The following SRRM3 variants were observed in gnomAD, a reference collection of about 807,000 sequenced individuals.
SRRM3 encodes serine/arginine repetitive matrix 3, also known as serine/arginine repetitive matrix protein 3.
In SRRM3, 27 loss-of-function variants were observed where a neutral mutation model predicts 66.2. That is an observed-to-expected ratio of 0.41 (90% CI 0.30 to 0.56). The LOEUF is 0.56. Ranked by LOEUF, SRRM3 falls within the 20% of genes least tolerant of loss-of-function variation. SRRM3 has a pLI of 0.32. For missense variants in SRRM3, 918 were observed against 991.9 expected, an observed-to-expected ratio of 0.93 and a Z score of 1.00; for synonymous variants, 391 against 414.9, an observed-to-expected ratio of 0.94 and a Z score of 0.70.
At chr7:76,210,960 A>C (rs551976541) in intron 1 of SRRM3, among the ~76,000 whole-genome samples, 1 of 151,946 alleles carries the variant, frequency 6.6e-6, no homozygotes, top group African/African-American at 2.4e-5. Context: ...CTGCCACTAC[A>C]CCCGGCTAAT....
At chr7:76,205,848 T>C (rs1334851564) in intron 1 of SRRM3, among the ~76,000 whole-genome samples, 1 of 152,246 alleles carries the variant, frequency 6.6e-6, no homozygotes, top group Non-Finnish European at 1.5e-5. Context: ...GAATTTGAAA[T>C]CTCAGCTCCA....
At chr7:76,221,640 G>A (rs1281082217) in intron 1 of SRRM3, among the ~76,000 whole-genome samples, 1 of 152,164 alleles carries the variant, frequency 6.6e-6, no homozygotes, top group Non-Finnish European at 1.5e-5. Flanking sequence ...GGGATTACAG[G>A]CGTGAGCCAC....
intron 1 of SRRM3, among the ~76,000 whole-genome samples, chr7:76,203,178 C>G (rs1200279303): frequency 6.6e-6 from 1 of 152,204 alleles, no homozygotes; most frequent in Non-Finnish European, 1.5e-5. Context: ...TGTTCCCACA[C>G]AGCAGTAGCT....
chr7:76,266,830 G>A (rs908950996), intron 10 of SRRM3, among the ~76,000 whole-genome samples: 1 of 150,842 alleles, frequency 6.6e-6, no homozygotes, highest in Non-Finnish European at 1.5e-5. Flanking sequence ...GCACCACCAT[G>A]CCCGACTAAT....
chr7:76,283,339 A>G (rs1378327409), intron 14 of SRRM3, among the ~76,000 whole-genome samples: 1 of 151,384 alleles, frequency 6.6e-6, no homozygotes, highest in Admixed American at 6.6e-5. Context: ...GCCACGCAGA[A>G]GGAAGGGCCA....
At chr7:76,229,605 G>C (rs557345794) in intron 1 of SRRM3, among the ~76,000 whole-genome samples, 14 of 152,194 alleles carry the variant, frequency 9.2e-5, no homozygotes, top group Admixed American at 5.2e-4. Flanking sequence ...TTGAGTCTGT[G>C]ATCATTGAAA....
In SRRM3 at chr7:76,250,989, C is replaced by T. The variant is rs112872767; in HGVS notation, c.335+2700C>T. 5.8e-3 allele frequency among the ~76,000 whole-genome samples: 882 copies of T among 152,308 alleles called. 14 individuals are homozygous for T. Among genetic ancestry groups the T allele is most frequent in the African/African-American group, 0.019 (810 of 41,572 alleles). ...GGGTGGACCCTTTGCCTGGACTCCCCGCCCTCCTCCCACATCTGGGCCCTT... is the reference window on the plus strand; with the variant it reads ...GGGTGGACCCTTTGCCTGGACTCCCTGCCCTCCTCCCACATCTGGGCCCTT... On this transcript the variant is annotated intron_variant, in intron 3 of 14. Transcript: ENST00000611745.
intron 8 of SRRM3, among the ~76,000 whole-genome samples, chr7:76,262,025 T>A (rs1801886256): frequency 6.6e-6 from 1 of 151,262 alleles, no homozygotes; most frequent in African/African-American, 2.4e-5. Context: ...GGTGCTAGCC[T>A]CCCAACAGGT....
chr7:76,242,422 T>G (rs960471348), intron 2 of SRRM3, among the ~76,000 whole-genome samples: 1 of 151,094 alleles, frequency 6.6e-6, no homozygotes, highest in Non-Finnish European at 1.5e-5. Context: ...GAGATGGAGG[T>G]TGTGGTGAGC....
intron 10 of SRRM3, among the ~76,000 whole-genome samples, chr7:76,266,119 C>T (rs1336667171): frequency 1.4e-5 from 1 of 71,238 alleles, no homozygotes; most frequent in Non-Finnish European, 2.2e-5. Context: ...CCGCCCGCCT[C>T]GGCCTCCCAA....
At chr7:76,258,745 AG>A (rs1801781739) in intron 3 of SRRM3, among the ~76,000 whole-genome samples, 4 of 136,978 alleles carry the variant, frequency 2.9e-5, no homozygotes, top group Admixed American at 7.6e-5. Context: ...AAAAAGAAAA[AG>A]AAAAAAAAAA....
chr7:76,277,980 C>T (rs540337797), intron 11 of SRRM3, among the ~76,000 whole-genome samples: 3 of 152,338 alleles, frequency 2.0e-5, no homozygotes, highest in Admixed American at 1.3e-4. Context: ...GTTCACTTTG[C>T]ACTCTTTGAC....
chr7:76,281,413 G>A, intron 11 of SRRM3, 28 bp from the exon 12 acceptor site: 1 of 1,216,408 alleles, frequency 8.2e-7, no homozygotes, highest in Non-Finnish European at 1.0e-6. Flanking sequence ...TCCCCCCTCC[G>A]TGCCCTGTCT....
intron 5 of SRRM3, 124 bp downstream of exon 5, chr7:76,260,321 G>A (rs1554608456): frequency 3.2e-6 from 2 of 630,200 alleles, no homozygotes; most frequent in Non-Finnish European, 4.5e-6. Flanking sequence ...CCCCTCCCTC[G>A]CCCTCCCCGT....
At chr7:76,265,317 C>G in intron 9 of SRRM3, 47 bp from the exon 10 acceptor site, 1 of 1,456,768 alleles carries the variant, frequency 6.9e-7, no homozygotes, top group South Asian at 1.3e-5. Context: ...GGGGGGATCA[C>G]GGGGGGCAGA....
chr7:76,251,736 C>CAAGACCCCCAT (rs1801586846), intron 3 of SRRM3, among the ~76,000 whole-genome samples: 1 of 151,874 alleles, frequency 6.6e-6, no homozygotes, highest in African/African-American at 2.4e-5. Flanking sequence ...TCCAGACCAG[C>CAAGACCCCCAT]CTGGGCAACA....
chr7:76,203,984 G>A (rs1456071883), intron 1 of SRRM3, among the ~76,000 whole-genome samples: 1 of 152,076 alleles, frequency 6.6e-6, no homozygotes, highest in Non-Finnish European at 1.5e-5. Flanking sequence ...GGCCAGCGGG[G>A]TGCCTCTACC....
At chr7:76,213,452 C>T (rs910994803) in intron 1 of SRRM3, among the ~76,000 whole-genome samples, 3 of 152,102 alleles carry the variant, frequency 2.0e-5, no homozygotes, top group African/African-American at 4.8e-5. Context: ...AATGGAGGCA[C>T]GGAGAGGTAA....
intron 11 of SRRM3, among the ~76,000 whole-genome samples, chr7:76,273,940 A>G (rs1030201144): frequency 3.3e-5 from 5 of 151,478 alleles, no homozygotes; most frequent in Admixed American, 1.3e-4. Context: ...CTTCTTTCTC[A>G]TTCTGTTGTC....
Sources: gnomAD v4.1 joint callset for allele counts (sites outside exome capture counted in the v4.1 genomes callset) on GRCh38, gnomAD v4.1.1 for gene constraint, MANE v1.5 for transcripts, NCBI Gene and HGNC (gene_info 2026-07-23, HGNC 2026-07-21) for gene names.